MAD1L1: variants seen among roughly 807,000 people sequenced by gnomAD.
MAD1L1 encodes the protein mitotic spindle assembly checkpoint protein MAD1.
MAD1L1 carries 95 observed loss-of-function variants against 96.9 expected under a neutral mutation model. The observed-to-expected ratio is 0.98, with a 90% CI of 0.83 to 1.16. MAD1L1 has a LOEUF of 1.16. Ranked by LOEUF, MAD1L1 falls within the 50% of genes most tolerant of loss-of-function variation. The pLI, the probability that MAD1L1 is intolerant of heterozygous loss-of-function variation, is 0.00. For missense variants in MAD1L1, 1,007 were observed against 954.4 expected (o/e 1.06, Z -0.73); for synonymous variants, 473 against 396.6 (o/e 1.19, Z -2.29).
chr7:2,024,936 T>A (rs1782936686), intron 12 of MAD1L1, among the ~76,000 whole-genome samples: 1 of 152,244 alleles, frequency 6.6e-6, no homozygotes, highest in South Asian at 2.1e-4. Context: ...CAAACTATTC[T>A]GTATGACACT....
At chr7:2,169,022 C>T (rs997640451) in intron 10 of MAD1L1, among the ~76,000 whole-genome samples, 14 of 152,320 alleles carry the variant, frequency 9.2e-5, no homozygotes, top group Admixed American at 3.9e-4. Flanking sequence ...TTTTAAAATG[C>T]AAAAATGTGT....
intron 15 of MAD1L1, among the ~76,000 whole-genome samples, chr7:1,958,605 A>C (rs975865451): frequency 1.3e-5 from 2 of 152,232 alleles, no homozygotes; most frequent in African/African-American, 4.8e-5. Context: ...GATTGATACA[A>C]ATGCAAAAAC....
chr7:1,907,669 C>G (rs1220921037), intron 17 of MAD1L1, among the ~76,000 whole-genome samples: 1 of 152,200 alleles, frequency 6.6e-6, no homozygotes, highest in Non-Finnish European at 1.5e-5. Context: ...CTGGGTGTGG[C>G]AGGAGTGGGG....
At chr7:2,085,434 G>A (rs1026972998) in intron 11 of MAD1L1, among the ~76,000 whole-genome samples, 2 of 152,138 alleles carry the variant, frequency 1.3e-5, no homozygotes, top group Non-Finnish European at 1.5e-5. Context: ...ATTGCCTCTC[G>A]GCCACCTGGT....
At chr7:1,824,799 C>CA (rs1054034410) in intron 18 of MAD1L1, among the ~76,000 whole-genome samples, 6 of 152,110 alleles carry the variant, frequency 3.9e-5, no homozygotes, top group African/African-American at 1.4e-4. Flanking sequence ...TTTTCAACTT[C>CA]AAAAGACTCT....
intron 18 of MAD1L1, among the ~76,000 whole-genome samples, chr7:1,866,744 T>C (rs1784797860): frequency 6.6e-6 from 1 of 152,044 alleles, no homozygotes; most frequent in South Asian, 2.1e-4. Context: ...ACTAGATCTG[T>C]TCCACGGGCT....
chr7:1,944,850 C>T (rs1583875261), intron 16 of MAD1L1, among the ~76,000 whole-genome samples: 1 of 152,230 alleles, frequency 6.6e-6, no homozygotes, highest in Admixed American at 6.5e-5. Flanking sequence ...TTGGAGCCTG[C>T]AGGCCACCTC....
intron 10 of MAD1L1, among the ~76,000 whole-genome samples, chr7:2,209,747 C>T (rs375762996): frequency 7.9e-4 from 120 of 152,296 alleles, no homozygotes; most frequent in East Asian, 3.1e-3. Context: ...GGCAAGCAGA[C>T]GCCAGCCCAC....
intron 11 of MAD1L1, among the ~76,000 whole-genome samples, chr7:2,125,859 C>G (rs1447087228): frequency 6.6e-6 from 1 of 150,524 alleles, no homozygotes; most frequent in African/African-American, 2.4e-5. Context: ...GGAGAACGGA[C>G]TACCTGAAAG....
intron 17 of MAD1L1, among the ~76,000 whole-genome samples, chr7:1,924,665 C>T (rs989853985): frequency 3.9e-5 from 6 of 152,074 alleles, no homozygotes; most frequent in African/African-American, 7.2e-5. Flanking sequence ...AACCCAGGAA[C>T]GCCAGGAAAG....
chr7:2,127,354 G>A (rs1427498155), intron 11 of MAD1L1, among the ~76,000 whole-genome samples: 1 of 152,218 alleles, frequency 6.6e-6, no homozygotes, highest in African/African-American at 2.4e-5. Context: ...TGGGGCCCCT[G>A]ATGGAGCACC....
rs1301570570 is a variant in MAD1L1, at chr7:2,213,112, C to T, written c.986+100G>A. 8 of 1,264,234 alleles carry T rather than the reference C, an allele frequency of 6.3e-6. 1 individual carries two copies. Among genetic ancestry groups the T allele is most frequent in the South Asian group, 6.1e-5 (5 of 81,504 alleles). 78.3% of individuals were successfully genotyped at this position (1,264,234 alleles called of 1,614,324 possible). On this transcript the variant is annotated intron_variant, in intron 10 of 18. Coordinates refer to ENST00000265854, the MANE Select transcript of MAD1L1 (RefSeq NM_001013836.2). ...ATGCCCCGCACCAGCCACAGAGATG[C>T]CTGGCTGGAGACTGCGCTGGTGAGC... is the stretch of plus-strand genomic sequence containing the variant.
At chr7:2,101,816 G>C (rs928849664) in intron 11 of MAD1L1, among the ~76,000 whole-genome samples, 1 of 152,146 alleles carries the variant, frequency 6.6e-6, no homozygotes, top group African/African-American at 2.4e-5. Flanking sequence ...CGTGCACACA[G>C]GGCCACAGCT....
intron 12 of MAD1L1, among the ~76,000 whole-genome samples, chr7:2,016,351 G>C (rs1222594682): frequency 6.6e-6 from 1 of 152,198 alleles, no homozygotes; most frequent in Non-Finnish European, 1.5e-5. Flanking sequence ...CTGGCTGAAA[G>C]GGCAAATTCA....
chr7:2,048,468 T>C (rs957476751), intron 12 of MAD1L1, among the ~76,000 whole-genome samples: 12 of 152,224 alleles, frequency 7.9e-5, no homozygotes, highest in Non-Finnish European at 1.8e-4. Flanking sequence ...ATGCCAGCAG[T>C]GACCGCTATA....
At chr7:2,059,514 G>A (rs377495541) in intron 12 of MAD1L1, among the ~76,000 whole-genome samples, 13 of 151,524 alleles carry the variant, frequency 8.6e-5, no homozygotes, top group African/African-American at 2.9e-4. Flanking sequence ...GTGCGGGGCT[G>A]GAAAGGGAGC....
At chr7:2,022,347 G>C (rs1442946446) in intron 12 of MAD1L1, among the ~76,000 whole-genome samples, 4 of 152,182 alleles carry the variant, frequency 2.6e-5, no homozygotes, top group Non-Finnish European at 4.4e-5. Flanking sequence ...CAAACTCTAG[G>C]ATAATTCTGT....
intron 10 of MAD1L1, among the ~76,000 whole-genome samples, chr7:2,160,022 AT>A (rs1447163230): frequency 3.9e-5 from 6 of 151,908 alleles, no homozygotes; most frequent in Admixed American, 3.9e-4. Flanking sequence ...GAGCCCAGGA[AT>A]TTCAGACCAG....
At chr7:1,987,839 C>A (rs1428094383) in intron 14 of MAD1L1, among the ~76,000 whole-genome samples, 1 of 152,184 alleles carries the variant, frequency 6.6e-6, no homozygotes. Context: ...GGCACCTGTG[C>A]CTCCAGCCCT....
Sources: allele counts gnomAD v4.1 joint callset (sites outside exome capture counted in the v4.1 genomes callset), GRCh38; gene constraint gnomAD v4.1.1; transcripts MANE v1.5; gene names NCBI Gene and HGNC (gene_info 2026-07-23, HGNC 2026-07-21).